The following TAB2 variants were observed in gnomAD, a reference collection of about 807,000 sequenced individuals.
TAB2 encodes TGF-beta-activated kinase 1 and MAP3K7-binding protein 2.
In TAB2, 3 loss-of-function variants were observed where a neutral mutation model predicts 65.0. The observed-to-expected ratio is 0.05, with a 90% CI of 0.02 to 0.12. The LOEUF is 0.12. Among genes scored for constraint, TAB2 ranks in the 10% least tolerant of loss-of-function variants. The pLI is 1.00. For synonymous variants in TAB2, 298 were observed against 285.1 expected, an observed-to-expected ratio of 1.05 and a Z score of -0.46; for missense variants, 623 against 840.3, an observed-to-expected ratio of 0.74 and a Z score of 3.20.
At chr6:149,394,395 C>T (rs1458708536) in intron 3 of TAB2, among the ~76,000 whole-genome samples, 1 of 152,082 alleles carries the variant, frequency 6.6e-6, no homozygotes, top group Non-Finnish European at 1.5e-5. Flanking sequence ...AGTTTTCTGT[C>T]AGGTAATTCC....
intron 1 of TAB2, among the ~76,000 whole-genome samples, chr6:149,353,896 G>A (rs1486929747): frequency 6.6e-6 from 1 of 152,090 alleles, no homozygotes; most frequent in Non-Finnish European, 1.5e-5. Flanking sequence ...ATTTGTGTGT[G>A]TATACATATG....
At chr6:149,357,430 A>AAAAAACACACACACAC in intron 1 of TAB2, among the ~76,000 whole-genome samples, 12 of 111,136 alleles carry the variant, frequency 1.1e-4, no homozygotes, top group Non-Finnish European at 1.4e-4. Context: ...AGAAAAAAAA[A>AAAAAACACACACACAC]ACACACACAC....
chr6:149,246,394 T>G (rs1338365217), intron 1 of TAB2: 1 of 152,186 alleles, frequency 6.6e-6, no homozygotes, highest in African/African-American at 2.4e-5. Flanking sequence ...TTCCAGAAAA[T>G]GTAAACTCCA....
chr6:149,409,468 G>T, intron 6 of TAB2, 109 bp from the exon 7 acceptor site: 1 of 982,702 alleles, frequency 1.0e-6, no homozygotes, highest in Non-Finnish European at 1.6e-6. Context: ...GCCCCATTTG[G>T]GGAGCAAGCT....
intron 1 of TAB2, among the ~76,000 whole-genome samples, chr6:149,284,633 G>C (rs1480555010): frequency 1.4e-5 from 2 of 144,766 alleles, no homozygotes; most frequent in East Asian, 2.0e-4. Flanking sequence ...ATCTACCACA[G>C]AATGATCTCT....
At chr6:149,402,103 C>CA (rs1024996244) in intron 6 of TAB2, among the ~76,000 whole-genome samples, 3 of 147,758 alleles carry the variant, frequency 2.0e-5, no homozygotes, top group African/African-American at 5.0e-5. Flanking sequence ...AGAATTAGAG[C>CA]AAAAATAGAG....
chr6:149,335,220 T>G (rs1203669617), intron 1 of TAB2, among the ~76,000 whole-genome samples: 1 of 152,024 alleles, frequency 6.6e-6, no homozygotes, highest in East Asian at 1.9e-4. Context: ...GAAGATTATT[T>G]AGAATAATAT....
chr6:149,270,803 T>C (rs1433893243), intron 1 of TAB2, among the ~76,000 whole-genome samples: 1 of 152,162 alleles, frequency 6.6e-6, no homozygotes, highest in African/African-American at 2.4e-5. Context: ...AGCTTTGTCT[T>C]TCAGTTTCTT....
chr6:149,403,281 TATAC>T (rs1443630436), intron 6 of TAB2, among the ~76,000 whole-genome samples: 95 of 31,858 alleles, frequency 3.0e-3, no homozygotes, highest in South Asian at 0.012. Context: ...TATATATATA[TATAC>T]ACACACACAC....
intron 1 of TAB2, among the ~76,000 whole-genome samples, chr6:149,237,112 G>C (rs1452091184): frequency 6.6e-6 from 1 of 152,178 alleles, no homozygotes; most frequent in African/African-American, 2.4e-5. Flanking sequence ...GAATTCCTTG[G>C]AATTTGGCAA....
chr6:149,295,860 C>A (rs1234576763), intron 1 of TAB2, among the ~76,000 whole-genome samples: 9 of 152,136 alleles, frequency 5.9e-5, no homozygotes, highest in Admixed American at 5.9e-4. Context: ...GCAACCTCTG[C>A]CTCCCGGTTC....
intron 3 of TAB2, among the ~76,000 whole-genome samples, chr6:149,395,403 T>C (rs1470985430): frequency 6.6e-6 from 1 of 152,230 alleles, no homozygotes; most frequent in South Asian, 2.1e-4. Context: ...TTTCCTGCTA[T>C]CTAGGTTTAA....
intron 1 of TAB2, among the ~76,000 whole-genome samples, chr6:149,324,195 G>C (rs909106798): frequency 2.0e-5 from 3 of 152,086 alleles, no homozygotes; most frequent in Non-Finnish European, 1.5e-5. Flanking sequence ...AGGTTGGAAA[G>C]GTCCTGCAGA....
chr6:149,385,735 C>T (rs1484814138), intron 3 of TAB2, among the ~76,000 whole-genome samples: 1 of 152,118 alleles, frequency 6.6e-6, no homozygotes, highest in African/African-American at 2.4e-5. Flanking sequence ...CCTTTCTGTA[C>T]TTTAAATTCT....
intron 1 of TAB2, among the ~76,000 whole-genome samples, chr6:149,286,274 T>C (rs1778675468): frequency 6.6e-6 from 1 of 152,206 alleles, no homozygotes; most frequent in Admixed American, 6.5e-5. Flanking sequence ...TGAAAAACTA[T>C]TTTCAAATAT....
chr6:149,260,192 C>A (rs1778123132), intron 1 of TAB2, among the ~76,000 whole-genome samples: 1 of 152,212 alleles, frequency 6.6e-6, no homozygotes, highest in Non-Finnish European at 1.5e-5. Flanking sequence ...CCGGCTCAGG[C>A]ACCACCTCAT....
chr6:149,341,082 T>C (rs1780108634), intron 1 of TAB2, among the ~76,000 whole-genome samples: 1 of 152,108 alleles, frequency 6.6e-6, no homozygotes, highest in South Asian at 2.1e-4. Flanking sequence ...ATTGATTGCT[T>C]TTATGTTTTT....
chr6:149,251,390 T>C (rs1777858346), intron 1 of TAB2, among the ~76,000 whole-genome samples: 1 of 152,230 alleles, frequency 6.6e-6, no homozygotes, highest in African/African-American at 2.4e-5. Flanking sequence ...ACCCGGCCTG[T>C]GACTCCCACT....
rs1327631680 is a variant in TAB2, at chr6:149,262,804, C to CT, written c.-121+44036dup. Among the ~76,000 whole-genome samples, 49 of 151,538 alleles carry CT rather than the reference C, an allele frequency of 3.2e-4. 1 individual carries two copies. Among genetic ancestry groups the CT allele is most frequent in the Admixed American group, 6.6e-5 (1 of 15,208 alleles). On this transcript the variant is annotated intron_variant, in intron 1 of 1. Coordinates refer to the TAB2 transcript ENST00000606202. ...CTCTTAACTCCTTTTTTTCCTTTTTCTTTTTTTTATTTTTTTATTTTTAGG... is the reference window on the plus strand; with the variant it reads ...CTCTTAACTCCTTTTTTTCCTTTTTCTTTTTTTTTATTTTTTTATTTTTAGG...
Sources: gnomAD v4.1 joint callset for allele counts (sites outside exome capture counted in the v4.1 genomes callset) on GRCh38, gnomAD v4.1.1 for gene constraint, MANE v1.5 for transcripts, NCBI Gene and HGNC (gene_info 2026-07-23, HGNC 2026-07-21) for gene names.